The following PCDHA4 variants were observed in gnomAD, a reference collection of about 807,000 sequenced individuals.
PCDHA4 encodes protocadherin alpha-4.
PCDHA4 carries 49 observed loss-of-function variants against 61.4 expected under a neutral mutation model. That is an observed-to-expected ratio of 0.80 (90% CI 0.63 to 1.01). The LOEUF (loss-of-function observed/expected upper bound fraction) is 1.01, where lower values mean the gene tolerates loss of function less well. Among genes scored for constraint, PCDHA4 ranks in the 50% least tolerant of loss-of-function variants. The pLI is 0.00. For missense variants in PCDHA4, 1,254 were observed against 1,235.8 expected, an observed-to-expected ratio of 1.01 and a Z score of -0.22; for synonymous variants, 590 against 550.3, an observed-to-expected ratio of 1.07 and a Z score of -1.01.
intron 3 of PCDHA4, among the ~76,000 whole-genome samples, chr5:140,989,670 C>G (rs907417768): frequency 6.6e-6 from 1 of 152,104 alleles, no homozygotes. Flanking sequence ...GAAACTCTGC[C>G]CAGATTTCAA....
intron 1 of PCDHA4, chr5:140,869,354 T>C (rs782282863): frequency 6.2e-7 from 1 of 1,614,116 alleles, no homozygotes; most frequent in Non-Finnish European, 8.5e-7. Context: ...AATGGCATTT[T>C]GTTTGTGAAT....
chr5:140,823,878 C>T (rs142924665), intron 1 of PCDHA4: 3 of 1,613,808 alleles, frequency 1.9e-6, no homozygotes, highest in South Asian at 1.1e-5. Context: ...ACCTGATCAT[C>T]GCCATCTGTG....
intron 1 of PCDHA4, chr5:140,828,976 A>C: frequency 4.3e-6 from 7 of 1,614,178 alleles, no homozygotes; most frequent in Non-Finnish European, 4.2e-6. Context: ...ACTTTAGCAT[A>C]GATCGAAATA....
At chr5:140,960,488 GT>G (rs1373763536) in intron 1 of PCDHA4, among the ~76,000 whole-genome samples, 4 of 152,150 alleles carry the variant, frequency 2.6e-5, no homozygotes, top group African/African-American at 9.7e-5. Flanking sequence ...AGAGGTGTAG[GT>G]TTGTTTGTTC....
At chr5:140,894,457 T>C (rs2153447013) in intron 1 of PCDHA4, among the ~76,000 whole-genome samples, 1 of 152,166 alleles carries the variant, frequency 6.6e-6, no homozygotes, top group African/African-American at 2.4e-5. Flanking sequence ...AAAAAATATT[T>C]TACTTTTTAT....
chr5:140,833,252 G>A (rs1554133803), intron 1 of PCDHA4, among the ~76,000 whole-genome samples: 2 of 152,156 alleles, frequency 1.3e-5, no homozygotes, highest in African/African-American at 4.8e-5. Flanking sequence ...AATACACCAG[G>A]AGAGCAGCAA....
intron 1 of PCDHA4, among the ~76,000 whole-genome samples, chr5:140,837,921 C>T (rs1775313759): frequency 6.6e-6 from 1 of 151,734 alleles, no homozygotes; most frequent in Admixed American, 6.6e-5. Flanking sequence ...TCAAGCGATC[C>T]TCCTACCTTG....
At chr5:140,823,196 T>A in intron 1 of PCDHA4, 1 of 1,613,812 alleles carries the variant, frequency 6.2e-7, no homozygotes, top group Non-Finnish European at 8.5e-7. Flanking sequence ...TGCCACATCT[T>A]CACGGTGTCT....
At chr5:140,919,910 A>C (rs1350361054) in intron 1 of PCDHA4, among the ~76,000 whole-genome samples, 1 of 152,204 alleles carries the variant, frequency 6.6e-6, no homozygotes. Flanking sequence ...GGATGAAATT[A>C]CCCTAAATTT....
chr5:140,839,326 C>T (rs1338005685), intron 1 of PCDHA4, among the ~76,000 whole-genome samples: 1 of 151,830 alleles, frequency 6.6e-6, no homozygotes, highest in Non-Finnish European at 1.5e-5. Context: ...TTGGGAAATA[C>T]CTGAAGTTGA....
intron 1 of PCDHA4, among the ~76,000 whole-genome samples, chr5:140,879,506 A>T (rs1156992401): frequency 1.3e-5 from 2 of 152,224 alleles, no homozygotes; most frequent in Non-Finnish European, 2.9e-5. Context: ...CTCAGAAGAG[A>T]TTATTGATAT....
At chr5:140,871,172 C>A in intron 1 of PCDHA4, 1 of 1,613,546 alleles carries the variant, frequency 6.2e-7, no homozygotes, top group South Asian at 1.1e-5. Context: ...AGCCCAGAGG[C>A]TGCGCTGGTG....
At chr5:140,909,966 G>C (rs1583724116) in intron 1 of PCDHA4, among the ~76,000 whole-genome samples, 1 of 152,202 alleles carries the variant, frequency 6.6e-6, no homozygotes, top group African/African-American at 2.4e-5. Flanking sequence ...TCTCCATGGG[G>C]AAGGATGGGA....
intron 1 of PCDHA4, among the ~76,000 whole-genome samples, chr5:140,937,697 G>A (rs2091687536): frequency 6.6e-6 from 1 of 151,910 alleles, no homozygotes; most frequent in Non-Finnish European, 1.5e-5. Flanking sequence ...CGGATCACGA[G>A]GTCAGGAGAT....
chr5:140,834,545 G>T (rs2150220681), intron 1 of PCDHA4: 1 of 1,614,088 alleles, frequency 6.2e-7, no homozygotes, highest in South Asian at 1.1e-5. Flanking sequence ...ACCTGGGGCT[G>T]GAGCTGGCGG....
At chr5:140,841,271 G>A (rs1554138054) in intron 1 of PCDHA4, 2 of 1,532,504 alleles carry the variant, frequency 1.3e-6, no homozygotes, top group Admixed American at 2.1e-5. Context: ...AAGTACAGTC[G>A]TTCATCTTTA....
intron 3 of PCDHA4, among the ~76,000 whole-genome samples, chr5:140,997,797 C>A (rs2097786104): frequency 6.6e-6 from 1 of 151,944 alleles, no homozygotes; most frequent in Non-Finnish European, 1.5e-5. Context: ...TATAATTTAT[C>A]CAATTTGCTG....
At chr5:140,834,241 G>T (rs1440716193) in intron 1 of PCDHA4, 2 of 811,066 alleles carry the variant, frequency 2.5e-6, no homozygotes, top group Non-Finnish European at 1.9e-6. Flanking sequence ...ATTCCTTTTC[G>T]CACTGGAAAG....
chr5:140,966,613 A>T, intron 1 of PCDHA4: 1 of 756,596 alleles, frequency 1.3e-6, no homozygotes, highest in Non-Finnish European at 1.9e-6. Flanking sequence ...GGGAGGGCCT[A>T]CGGAGGGAGC....
Sources: allele counts gnomAD v4.1 joint callset (sites outside exome capture counted in the v4.1 genomes callset), GRCh38; gene constraint gnomAD v4.1.1; transcripts MANE v1.5; gene names NCBI Gene and HGNC (gene_info 2026-07-23, HGNC 2026-07-21).